The following MAD1L1 variants were observed in gnomAD, a reference collection of about 807,000 sequenced individuals.
The protein encoded by MAD1L1 is mitotic spindle assembly checkpoint protein MAD1.
Under a neutral mutation model 96.9 loss-of-function variants are expected in MAD1L1, and 95 were observed. The ratio of observed to expected loss-of-function variants is 0.98; its 90% CI spans 0.83 to 1.16. The LOEUF (loss-of-function observed/expected upper bound fraction) is 1.16. MAD1L1 is among the 50% of genes most tolerant of loss of function. The pLI, the probability that MAD1L1 is intolerant of heterozygous loss-of-function variation, is 0.00. For missense variants in MAD1L1, 1,007 were observed against 954.4 expected, an observed-to-expected ratio of 1.06 and a Z score of -0.73; for synonymous variants, 473 against 396.6, an observed-to-expected ratio of 1.19 and a Z score of -2.29.
intron 17 of MAD1L1, among the ~76,000 whole-genome samples, chr7:1,922,093 G>A (rs116747039): frequency 0.072 from 10,918 of 152,318 alleles, 1,277 homozygotes; most frequent in African/African-American, 0.24. Context: ...TGGAGGGAGT[G>A]CAGCCAGCAG....
chr7:2,142,662 A>T lies in MAD1L1; in HGVS notation c.1073+6490T>A, dbSNP rs1005831373. ...TACATGGAGACAGCCCATTAGACTCAGGCTGATTCCACACCTTCTGCCAAA... is the reference window on the plus strand; with the variant it reads ...TACATGGAGACAGCCCATTAGACTCTGGCTGATTCCACACCTTCTGCCAAA... On this transcript the variant is annotated intron_variant, in intron 11 of 18. Coordinates refer to ENST00000265854, the MANE Select transcript of MAD1L1 (RefSeq NM_001013836.2). The surrounding 1 kb of genome is among the most constrained non-coding windows in gnomAD (Gnocchi z 4.7). Among the ~76,000 whole-genome samples, 1 of 152,256 alleles carries T rather than the reference A, an allele frequency of 6.6e-6. No homozygotes were observed. Among genetic ancestry groups the T allele is most frequent in the Non-Finnish European group, 1.5e-5 (1 of 68,038 alleles).
At chr7:1,990,785 C>G (rs1781374276) in intron 14 of MAD1L1, among the ~76,000 whole-genome samples, 3 of 104,848 alleles carry the variant, frequency 2.9e-5, no homozygotes, top group African/African-American at 3.8e-5. Flanking sequence ...ACGAGCACCG[C>G]TGGGTGCCTG....
chr7:2,212,203 G>A (rs903848552), intron 10 of MAD1L1, among the ~76,000 whole-genome samples: 4 of 152,330 alleles, frequency 2.6e-5, no homozygotes, highest in African/African-American at 4.8e-5. Flanking sequence ...GACAGGACCA[G>A]ACCTGGGAAC....
chr7:2,075,202 C>T (rs936041737), intron 11 of MAD1L1, among the ~76,000 whole-genome samples: 6 of 152,170 alleles, frequency 3.9e-5, no homozygotes, highest in Admixed American at 6.5e-5. Flanking sequence ...CAGGAAGGGC[C>T]GGCACAAAGT....
At chr7:1,953,696 C>T (rs745953760) in intron 16 of MAD1L1, among the ~76,000 whole-genome samples, 3 of 152,238 alleles carry the variant, frequency 2.0e-5, no homozygotes, top group African/African-American at 7.2e-5. Flanking sequence ...CGTGGTGGAG[C>T]CTTGGTGGCG....
chr7:2,078,736 C>T (rs1785496566), intron 11 of MAD1L1, among the ~76,000 whole-genome samples: 1 of 152,246 alleles, frequency 6.6e-6, no homozygotes, highest in South Asian at 2.1e-4. Flanking sequence ...CACCCCCACC[C>T]CACATCCCTG....
intron 12 of MAD1L1, among the ~76,000 whole-genome samples, chr7:2,059,696 A>G (rs6972969): frequency 0.34 from 51,077 of 148,084 alleles, 9,295 homozygotes; most frequent in African/African-American, 0.49. Context: ...AGGGAAGCGT[A>G]GCCAGGGGAG....
intron 14 of MAD1L1, among the ~76,000 whole-genome samples, chr7:1,989,896 C>T (rs1781329522): frequency 6.6e-6 from 1 of 152,236 alleles, no homozygotes; most frequent in African/African-American, 2.4e-5. Context: ...AACATTCATG[C>T]TAATGGTCCT....
At chr7:1,999,847 G>A (rs1402696817) in intron 14 of MAD1L1, among the ~76,000 whole-genome samples, 3 of 152,106 alleles carry the variant, frequency 2.0e-5, no homozygotes, top group Non-Finnish European at 2.9e-5. Context: ...CTCCCCTTCC[G>A]GGTCTTCTCT....
intron 15 of MAD1L1, among the ~76,000 whole-genome samples, chr7:1,964,648 G>A (rs1031698454): frequency 7.9e-5 from 12 of 152,180 alleles, no homozygotes; most frequent in Admixed American, 2.0e-4. Context: ...CACGAGGAGC[G>A]CTACATAAAT....
rs1167202546 is a variant in MAD1L1 at position 2,088,442 on chromosome 7, G to C, written c.1074-19104C>G. Among the ~76,000 whole-genome samples, 1 of 152,148 alleles carries C rather than the reference G, an allele frequency of 6.6e-6. No individual in the cohort carries two copies. Among genetic ancestry groups the C allele is most frequent in the Non-Finnish European group, 1.5e-5 (1 of 68,026 alleles). ...CCGCTCCGTCCCACCATGGCAGTCT[G>C]AGCTCCACTGAACCCCAGAGAGGCT... On this transcript the variant is annotated intron_variant, in intron 11 of 18. Coordinates refer to ENST00000265854, the MANE Select transcript of MAD1L1 (RefSeq NM_001013836.2). The surrounding 1 kb of genome is among the most constrained non-coding windows in gnomAD (Gnocchi z 4.4).
At chr7:2,083,303 G>A (rs982460786) in intron 11 of MAD1L1, among the ~76,000 whole-genome samples, 11 of 152,204 alleles carry the variant, frequency 7.2e-5, no homozygotes, top group African/African-American at 1.9e-4. Flanking sequence ...CCTCCGTGCC[G>A]GGCGGGGGGC....
intron 14 of MAD1L1, among the ~76,000 whole-genome samples, chr7:1,983,921 C>A (rs1462556811): frequency 6.6e-6 from 1 of 152,168 alleles, no homozygotes; most frequent in African/African-American, 2.4e-5. Context: ...TTTTCACTTT[C>A]CTATTAACTT....
At chr7:2,154,006 A>C (rs1009323425) in intron 10 of MAD1L1, among the ~76,000 whole-genome samples, 1 of 152,116 alleles carries the variant, frequency 6.6e-6, no homozygotes, top group African/African-American at 2.4e-5. Flanking sequence ...AAATACAAAA[A>C]TTAGCCAGGC....
At chr7:2,133,833 GATCAGCCGAGTAT>G (rs1201975660) in intron 11 of MAD1L1, among the ~76,000 whole-genome samples, 1 of 152,144 alleles carries the variant, frequency 6.6e-6, no homozygotes, top group African/African-American at 2.4e-5. Flanking sequence ...TGCGGTCCAC[GATCAGCCGAGTAT>G]ATCTGTGTGG....
intron 10 of MAD1L1, among the ~76,000 whole-genome samples, chr7:2,152,058 G>A (rs1789601824): frequency 6.6e-6 from 1 of 152,220 alleles, no homozygotes; most frequent in Admixed American, 6.5e-5. Context: ...GCCTGAGGTG[G>A]GTGTGACCTG....
At chr7:1,861,998 C>A (rs1413286328) in intron 18 of MAD1L1, among the ~76,000 whole-genome samples, 1 of 152,192 alleles carries the variant, frequency 6.6e-6, no homozygotes, top group African/African-American at 2.4e-5. Flanking sequence ...AGCCCCACCG[C>A]CATGCAGGGG....
chr7:1,885,754 C>T (rs1247516662), intron 18 of MAD1L1, among the ~76,000 whole-genome samples: 1 of 152,222 alleles, frequency 6.6e-6, no homozygotes. Context: ...GAGGGCTCGG[C>T]AGCCCGGCGC....
intron 16 of MAD1L1, among the ~76,000 whole-genome samples, chr7:1,940,733 C>T (rs1329934501): frequency 2.6e-5 from 4 of 152,236 alleles, no homozygotes; most frequent in Non-Finnish European, 2.9e-5. Flanking sequence ...CACGGAAACA[C>T]GAATCTGAAT....
Sources: gnomAD v4.1 joint callset for allele counts (sites outside exome capture counted in the v4.1 genomes callset) on GRCh38, gnomAD v4.1.1 for gene constraint, Gnocchi (gnomAD v3.1) non-coding constraint, MANE v1.5 for transcripts, NCBI Gene and HGNC (gene_info 2026-07-23, HGNC 2026-07-21) for gene names.